CHCHD5: variants seen among roughly 807,000 people sequenced by gnomAD.
CHCHD5 encodes coiled-coil-helix-coiled-coil-helix domain containing 5.
In CHCHD5, 10 loss-of-function variants were observed where a neutral mutation model predicts 16.0. That is an observed-to-expected ratio of 0.63 (90% CI 0.39 to 1.06). The LOEUF (loss-of-function observed/expected upper bound fraction) is 1.06, where lower values mean the gene tolerates loss of function less well. Among genes scored for constraint, CHCHD5 ranks in the 50% least tolerant of loss-of-function variants. The pLI, the probability that CHCHD5 is intolerant of heterozygous loss-of-function variation, is 0.01. For synonymous variants in CHCHD5, 55 were observed against 56.3 expected, an observed-to-expected ratio of 0.98 and a Z score of 0.10; for missense variants, 163 against 153.4, an observed-to-expected ratio of 1.06 and a Z score of -0.33.
chr2:112,586,488 C>T, intron 3 of CHCHD5, 123 bp downstream of exon 3: 1 of 1,557,936 alleles, frequency 6.4e-7, no homozygotes, highest in Non-Finnish European at 8.7e-7. Context: ...CAGGCCTTTG[C>T]CATGCATCCA....
rs773045038 is a variant in CHCHD5, at chr2:112,585,976, A to C, written c.5A>C (p.Gln2Pro). Residue 2 changes from glutamine to proline, a missense_variant and splice_region_variant, in exon 2 of 4, where the codon CAG becomes CCG. Transcript: ENST00000324913. M[Q>P]AALEVTARYC... The stretch of plus-strand genomic sequence containing the variant: ...CCTCAGCCCATCCTGTCCCACAGGC[A>C]GGCGGCCCTAGAGGTCACCGCTCGC... 6.2e-7 allele frequency: 1 copy of C among 1,613,030 alleles called. No individual in the cohort carries two copies. The highest frequency in any genetic ancestry group is 1.1e-5 in the South Asian group (1 of 91,058).
In CHCHD5 at chr2:112,586,220, G is replaced by T. The variant is rs775381994; in HGVS notation, c.164G>T (p.Arg55Leu). The T allele has an allele frequency of 6.2e-7, 1 of 1,610,994 alleles. No individual in the cohort carries two copies. Among genetic ancestry groups the T allele is most frequent in the Non-Finnish European group, 8.5e-7 (1 of 1,177,424 alleles). The part of the protein sequence containing the change: ...TSSHPIIRQI[R>L]QACAQPFEAF... ...CACAGCCCAATCATCCGCCAGATCC[G>T]CCAGGCCTGTGCTCAGCCTTTTGAG... The change falls in exon 3 of 4, where the codon CGC (arginine) becomes CTC (leucine). Residue 55 changes from arginine (R) to leucine (L), a missense_variant. By Grantham distance (102) the Arg-to-Leu change is moderately radical. Transcript: ENST00000324913.
intron 3 of CHCHD5, 108 bp downstream of exon 3, chr2:112,586,473 C>G: frequency 6.4e-7 from 1 of 1,564,580 alleles, no homozygotes; most frequent in Non-Finnish European, 8.7e-7. Context: ...CACCCCATCA[C>G]CACACAGGCC....
At chr2:112,584,573 C>G, upstream of CHCHD5, 5 of 1,599,296 alleles carry the variant, frequency 3.1e-6, no homozygotes, top group South Asian at 5.6e-5. Context: ...CTGGGCTGGG[C>G]GCCGCCATGA....
chr2:112,585,302 G>A (rs1301127245), intron 1 of CHCHD5, among the ~76,000 whole-genome samples: 1 of 152,132 alleles, frequency 6.6e-6, no homozygotes, highest in African/African-American at 2.4e-5. Flanking sequence ...ACCCATTAAG[G>A]GCTCTCAAGC....
At chr2:112,584,762 A>C (rs1192828932) in intron 1 of CHCHD5, 113 bp downstream of exon 1, 1 of 1,295,616 alleles carries the variant, frequency 7.7e-7, no homozygotes, top group Non-Finnish European at 1.1e-6. Flanking sequence ...TCCTTCTTGG[A>C]GATCTGACCC....
At chr2:112,587,965 C>G (rs1301476520) in intron 3 of CHCHD5, 1 of 152,420 alleles carries the variant, frequency 6.6e-6, no homozygotes, top group African/African-American at 2.4e-5. Flanking sequence ...TGACAGTCTT[C>G]TCTTCCCTGG....
At position 112,588,955 on chromosome 2, in the gene CHCHD5, G is replaced by A. The variant is rs1253399869; in HGVS notation, c.*66G>A. 7.2e-6 allele frequency: 9 copies of A among 1,251,196 alleles called. No individual in the cohort carries two copies. Among genetic ancestry groups the A allele is most frequent in the Non-Finnish European group, 1.2e-6 (1 of 852,318 alleles). 77.5% of individuals were successfully genotyped at this position (1,251,196 alleles called of 1,614,324 possible). On this transcript the variant is annotated 3_prime_UTR_variant, in exon 4 of 4. Transcript: ENST00000324913. Reference sequence around the variant, plus strand: ...CCCCCACGCCCCTCCCCTGCAGAGTGGCCAGATGGAGTCCTGAGCCCTGGA... The same window carrying A: ...CCCCCACGCCCCTCCCCTGCAGAGTAGCCAGATGGAGTCCTGAGCCCTGGA...
intron 3 of CHCHD5, chr2:112,586,580 C>T: frequency 6.6e-7 from 1 of 1,506,112 alleles, no homozygotes; most frequent in Non-Finnish European, 8.9e-7. Context: ...CTCCAGGATA[C>T]CTGCCCCAGC....
intron 1 of CHCHD5, 100 bp from the exon 2 acceptor site, chr2:112,585,874 G>A: frequency 7.3e-7 from 1 of 1,367,786 alleles, no homozygotes; most frequent in East Asian, 2.5e-5. Flanking sequence ...CTCCAGCCTG[G>A]GCCACAGTGA....
chr2:112,585,628 A>G (rs1385301593), intron 1 of CHCHD5, among the ~76,000 whole-genome samples: 1 of 152,154 alleles, frequency 6.6e-6, no homozygotes, highest in East Asian at 1.9e-4. Context: ...GCGGAGCACC[A>G]TAGCTTATGC....
chr2:112,585,823 A>G (rs1289246723), intron 1 of CHCHD5, 151 bp from the exon 2 acceptor site: 5 of 831,516 alleles, frequency 6.0e-6, no homozygotes, highest in Admixed American at 2.9e-5. Context: ...ACTTGAATCC[A>G]GGAGTTGGTG....
chr2:112,585,072 C>T (rs1685167799), intron 1 of CHCHD5, among the ~76,000 whole-genome samples: 2 of 152,294 alleles, frequency 1.3e-5, no homozygotes, highest in African/African-American at 4.8e-5. Flanking sequence ...CAGTCCTCAC[C>T]TATAGGGTCC....
At chr2:112,588,546 C>A (rs1278304771) in intron 3 of CHCHD5, 1 of 387,324 alleles carries the variant, frequency 2.6e-6, no homozygotes, top group East Asian at 5.5e-5. Context: ...CTGCTCTTTA[C>A]CCTGATTAAA....
rs1292819169 is a variant in CHCHD5, at chr2:112,586,767, G to A, written c.309+402G>A. 5 of 614,564 alleles carry A rather than the reference G, an allele frequency of 8.1e-6. No individual in the cohort carries two copies. The Admixed American group carries it at 1.3e-4, about 16-fold the overall frequency. The allele number at this position is 614,564 out of a possible 1,614,324, so 38.1% of individuals were successfully genotyped here. On this transcript the variant is annotated intron_variant, in intron 3 of 3. Transcript: ENST00000324913. ...CTGGGTTCTCTGTGTTCTTCCCTAG[G>A]CTGACTTCATCTGCCTCCTGCCTCA...
At position 112,588,903 on chromosome 2, in the gene CHCHD5, G is replaced by A. The variant is rs41278942; in HGVS notation, c.*14G>A. 186,681 of 1,602,504 alleles carry A rather than the reference G, an allele frequency of 0.12. 12,379 individuals carry two copies. Among genetic ancestry groups the A allele is most frequent in the Non-Finnish European group, 0.13 (156,594 of 1,169,774 alleles). On this transcript the variant is annotated 3_prime_UTR_variant, in exon 4 of 4. Transcript: ENST00000324913. ...CCTGCCTCCTGAGGACTCCTCTGAC[G>A]GCAGGAAAACTGGACATGAATGACT...
In CHCHD5 at chr2:112,588,988, C is replaced by G; in HGVS notation, c.*99C>G. On this transcript the variant is annotated 3_prime_UTR_variant, in exon 4 of 4. Transcript: ENST00000324913. Reference sequence around the variant, plus strand: ...GGAGTCCTGAGCCCTGGACATGGGCCCGGCTTTCCTGGATATCAGGACTTC... The same window carrying G: ...GGAGTCCTGAGCCCTGGACATGGGCGCGGCTTTCCTGGATATCAGGACTTC... The G allele has an allele frequency of 1.2e-6, 1 of 859,214 alleles. No individual in the cohort carries two copies. 53.2% of individuals were successfully genotyped at this position (859,214 alleles called of 1,614,324 possible).
intron 1 of CHCHD5, 37 bp from the exon 2 acceptor site, chr2:112,585,937 C>G (rs1456039769): frequency 6.3e-7 from 1 of 1,577,894 alleles, no homozygotes; most frequent in Admixed American, 1.9e-5. Flanking sequence ...TGCTTGCCTA[C>G]TGCCTGGAAT....
At chr2:112,585,947 T>C (rs902869934) in intron 1 of CHCHD5, 27 bp from the exon 2 acceptor site, 26 of 1,600,602 alleles carry the variant, frequency 1.6e-5, no homozygotes, top group Non-Finnish European at 2.2e-5. Context: ...CTGCCTGGAA[T>C]GATCCTCAGC....
Sources: gnomAD v4.1 joint callset for allele counts (sites outside exome capture counted in the v4.1 genomes callset) on GRCh38, gnomAD v4.1.1 for gene constraint, MANE v1.5 for transcripts, NCBI Gene and HGNC (gene_info 2026-07-23, HGNC 2026-07-21) for gene names.